The following PTPRD variants were observed in gnomAD, a reference collection of about 807,000 sequenced individuals.
The protein encoded by PTPRD is receptor-type tyrosine-protein phosphatase delta.
PTPRD carries 34 observed loss-of-function variants against 214.5 expected under a neutral mutation model. That is an observed-to-expected ratio of 0.16 (90% confidence interval 0.12 to 0.21). PTPRD has a LOEUF of 0.21. Ranked by LOEUF, PTPRD falls within the 10% of genes least tolerant of loss-of-function variation. The pLI, the probability that PTPRD is intolerant of heterozygous loss-of-function variation, is 1.00. For synonymous variants in PTPRD, 1,128 were observed against 845.7 expected (o/e 1.33, Z -5.79); for missense variants, 2,545 against 2,398.7 (o/e 1.06, Z -1.27).
intron 10 of PTPRD, among the ~76,000 whole-genome samples, chr9:9,113,811 A>G (rs2099809486): frequency 6.6e-6 from 1 of 152,192 alleles, no homozygotes; most frequent in Non-Finnish European, 1.5e-5. Flanking sequence ...CACTTTGAAG[A>G]ATTCTGACCA....
intron 7 of PTPRD, among the ~76,000 whole-genome samples, chr9:9,726,956 A>T (rs192483127): frequency 2.0e-4 from 30 of 152,322 alleles, no homozygotes; most frequent in African/African-American, 6.7e-4. Flanking sequence ...AATAACAAAC[A>T]GAGAATAATA....
intron 5 of PTPRD, among the ~76,000 whole-genome samples, chr9:9,797,864 A>G (rs1170051243): frequency 6.6e-6 from 1 of 152,102 alleles, no homozygotes; most frequent in Non-Finnish European, 1.5e-5. Context: ...AATAAAAAAT[A>G]AAAAAAATCA....
rs183751613 is a variant in PTPRD, at chr9:8,883,025, T to C, written c.-104+135672A>G. ...TACATTGCATACCCACACATACTTT[T>C]TTCCCCCCACAGTGAATACTGGTCT... On this transcript the variant is annotated intron_variant, in intron 11 of 45. Transcript: ENST00000381196. 1.3e-3 allele frequency among the ~76,000 whole-genome samples: 192 copies of C among 152,150 alleles called. 3 individuals are homozygous for C. The East Asian group carries it at 0.032, about 25-fold the overall frequency.
intron 12 of PTPRD, among the ~76,000 whole-genome samples, chr9:8,641,368 C>G (rs1432803954): frequency 6.7e-6 from 1 of 148,286 alleles, no homozygotes; most frequent in East Asian, 1.9e-4. Flanking sequence ...TTCCAGTCAC[C>G]ATTATTTAGA....
At chr9:10,508,850 G>A (rs996013200) in intron 2 of PTPRD, among the ~76,000 whole-genome samples, 6 of 151,960 alleles carry the variant, frequency 3.9e-5, no homozygotes, top group African/African-American at 1.5e-4. Flanking sequence ...TATAAATGAC[G>A]AGTTAATAGG....
At chr9:10,563,889 A>G (rs541718926) in intron 2 of PTPRD, among the ~76,000 whole-genome samples, 49 of 152,038 alleles carry the variant, frequency 3.2e-4, no homozygotes, top group African/African-American at 1.1e-3. Flanking sequence ...GTTTAAAGAG[A>G]CATGTCCTGT....
chr9:9,780,508 G>T (rs2098834757), intron 5 of PTPRD, among the ~76,000 whole-genome samples: 1 of 152,184 alleles, frequency 6.6e-6, no homozygotes, highest in Admixed American at 6.5e-5. Flanking sequence ...AAAAGATGCT[G>T]ATCATATATC....
Position 10,429,465 on chromosome 9 carries a change from T to C in PTPRD, c.-599-88448A>G, listed in dbSNP as rs557469366. Among the ~76,000 whole-genome samples the C allele has an allele frequency of 1.1e-4, 17 of 151,970 alleles. No homozygotes were observed. In the South Asian group the frequency reaches 3.3e-3, roughly 30 times the overall value. On this transcript the variant is annotated intron_variant, in intron 2 of 45. Coordinates refer to ENST00000381196, the MANE Select transcript of PTPRD (RefSeq NM_002839.4). ...CTATCAACGAATGAATAAAGTGCGG[T>C]GTATATGCACAGTAAGATACTATTC...
chr9:9,142,962 A>T (rs2099862795), intron 10 of PTPRD, among the ~76,000 whole-genome samples: 1 of 151,876 alleles, frequency 6.6e-6, no homozygotes, highest in South Asian at 2.1e-4. Flanking sequence ...CTTGCCAAAG[A>T]CCCTACCTGT....
chr9:8,741,249 C>T (rs1351886146), intron 11 of PTPRD, among the ~76,000 whole-genome samples: 1 of 151,876 alleles, frequency 6.6e-6, no homozygotes, highest in East Asian at 1.9e-4. Flanking sequence ...TCTATTGTTC[C>T]CCTACAAATA....
chr9:9,347,822 A>G (rs898092118), intron 9 of PTPRD, among the ~76,000 whole-genome samples: 1 of 152,170 alleles, frequency 6.6e-6, no homozygotes, highest in Non-Finnish European at 1.5e-5. Context: ...CACTCTGTAA[A>G]GGCACTAAGC....
At chr9:9,372,247 TAA>T (rs1433202943) in intron 9 of PTPRD, among the ~76,000 whole-genome samples, 3 of 152,162 alleles carry the variant, frequency 2.0e-5, no homozygotes, top group Admixed American at 2.0e-4. Context: ...TGTGGGAGTC[TAA>T]GTCTCTGTGT....
intron 30 of PTPRD, among the ~76,000 whole-genome samples, chr9:8,477,417 C>T (rs1297173815): frequency 6.6e-6 from 1 of 152,124 alleles, no homozygotes; most frequent in Non-Finnish European, 1.5e-5. Flanking sequence ...TTACTGATTT[C>T]ATTTAATATG....
chr9:9,552,472 C>G (rs74655608), intron 8 of PTPRD, among the ~76,000 whole-genome samples: 1 of 152,050 alleles, frequency 6.6e-6, no homozygotes, highest in Non-Finnish European at 1.5e-5. Context: ...ATAATTTTAA[C>G]TTCCTAAATG....
intron 11 of PTPRD, among the ~76,000 whole-genome samples, chr9:8,832,219 G>A (rs1391856707): frequency 2.0e-5 from 3 of 151,704 alleles, no homozygotes; most frequent in Admixed American, 6.6e-5. Flanking sequence ...TATGCCAAAT[G>A]GTGTGCATTG....
chr9:8,588,702 T>C (rs1365605236), intron 14 of PTPRD, among the ~76,000 whole-genome samples: 2 of 152,174 alleles, frequency 1.3e-5, no homozygotes, highest in African/African-American at 4.8e-5. Context: ...TACAAGATAA[T>C]ACATGTATCA....
chr9:10,245,717 A>T (rs1227355071), intron 3 of PTPRD, among the ~76,000 whole-genome samples: 2 of 152,182 alleles, frequency 1.3e-5, no homozygotes, highest in Non-Finnish European at 2.9e-5. Flanking sequence ...GAAGGCATTT[A>T]ATCTATGTGT....
chr9:9,819,862 A>G (rs570589779), intron 5 of PTPRD, among the ~76,000 whole-genome samples: 3 of 152,274 alleles, frequency 2.0e-5, no homozygotes, highest in South Asian at 2.1e-4. Flanking sequence ...TTCATGGTAT[A>G]TATGTACCAC....
At chr9:9,112,960 A>ATTT (rs200147474) in intron 10 of PTPRD, among the ~76,000 whole-genome samples, 68 of 147,874 alleles carry the variant, frequency 4.6e-4, no homozygotes, top group African/African-American at 1.4e-3. Flanking sequence ...CTGAGCTCCT[A>ATTT]TTTTTTTCTT....
Sources: allele counts gnomAD v4.1 joint callset (sites outside exome capture counted in the v4.1 genomes callset), GRCh38; gene constraint gnomAD v4.1.1; transcripts MANE v1.5; gene names NCBI Gene and HGNC (gene_info 2026-07-23, HGNC 2026-07-21).